PRRX2: variants seen among roughly 807,000 people sequenced by gnomAD.
PRRX2 encodes paired mesoderm homeobox protein 2.
In PRRX2, 11 loss-of-function variants were observed where a neutral mutation model predicts 18.0. The observed-to-expected ratio is 0.61, with a 90% CI of 0.39 to 1.01. The LOEUF (loss-of-function observed/expected upper bound fraction) is 1.01. Ranked by LOEUF, PRRX2 falls within the 50% of genes least tolerant of loss-of-function variation. The pLI is 0.01. For missense variants in PRRX2, 387 were observed against 351.0 expected (o/e 1.10, Z -0.82); for synonymous variants, 177 against 154.8 (o/e 1.14, Z -1.06).
intron 1 of PRRX2, among the ~76,000 whole-genome samples, chr9:129,669,886 T>C (rs1376034607): frequency 6.6e-6 from 1 of 151,822 alleles, no homozygotes; most frequent in Non-Finnish European, 1.5e-5. Context: ...ACAAGAATGC[T>C]GTCCGGTGGC....
intron 1 of PRRX2, among the ~76,000 whole-genome samples, chr9:129,706,982 G>T (rs1401578426): frequency 6.6e-6 from 1 of 152,134 alleles, no homozygotes; most frequent in East Asian, 1.9e-4. Flanking sequence ...AGGGCCTGGT[G>T]CAGTGGCTCA....
At chr9:129,710,757 G>A (rs1366731913) in intron 1 of PRRX2, among the ~76,000 whole-genome samples, 1 of 152,050 alleles carries the variant, frequency 6.6e-6, no homozygotes. Flanking sequence ...ACGAAAGTCA[G>A]CTCTTGGGCC....
intron 1 of PRRX2, among the ~76,000 whole-genome samples, chr9:129,697,329 C>T (rs553230348): frequency 6.6e-6 from 1 of 152,076 alleles, no homozygotes; most frequent in Non-Finnish European, 1.5e-5. Context: ...CGCTCCCCCT[C>T]CCCTAGGCCG....
In PRRX2 at chr9:129,715,841, G is replaced by C. The variant is rs535192845; in HGVS notation, c.260-3390G>C. ...ATTTAACCTTACATCAAATCAGTTG[G>C]TTGCTCAAGAGTCAGTAAACCCTCC... On this transcript the variant is annotated intron_variant, in intron 1 of 3. Coordinates refer to ENST00000372469, the MANE Select transcript of PRRX2 (RefSeq NM_016307.4). The surrounding 1 kb of genome is among the most constrained non-coding windows in gnomAD (Gnocchi z 4.0). 3.3e-5 allele frequency among the ~76,000 whole-genome samples: 5 copies of C among 151,266 alleles called. No homozygotes were observed. In the South Asian group the frequency reaches 1.0e-3, roughly 32 times the overall value.
intron 1 of PRRX2, among the ~76,000 whole-genome samples, chr9:129,717,941 C>T (rs765908423): frequency 1.4e-4 from 22 of 152,202 alleles, no homozygotes; most frequent in East Asian, 5.8e-4. Context: ...GGTTTGGTTC[C>T]ATGTGGACTC....
At chr9:129,684,530 ACACC>A (rs1564147499) in intron 1 of PRRX2, among the ~76,000 whole-genome samples, 52 of 131,294 alleles carry the variant, frequency 4.0e-4, no homozygotes, top group African/African-American at 1.5e-3. Context: ...ACACCCACAC[ACACC>A]CCAACAGAAA....
At chr9:129,688,709 A>G (rs906886112) in intron 1 of PRRX2, among the ~76,000 whole-genome samples, 1 of 152,208 alleles carries the variant, frequency 6.6e-6, no homozygotes. Flanking sequence ...GAGCTAGGAC[A>G]GGAGACCAAG....
intron 1 of PRRX2, among the ~76,000 whole-genome samples, chr9:129,668,452 CTGTGGCTCTTGGAGT>C (rs1391482791): frequency 3.9e-5 from 6 of 152,110 alleles, no homozygotes; most frequent in Non-Finnish European, 1.5e-5. Flanking sequence ...GTGGGTTTTC[CTGTGGCTCTTGGAGT>C]TGTTTTCAGG....
intron 1 of PRRX2, among the ~76,000 whole-genome samples, chr9:129,698,622 G>A (rs1832459126): frequency 1.3e-5 from 2 of 152,356 alleles, no homozygotes; most frequent in Middle Eastern, 3.4e-3. Flanking sequence ...TGTGGGCAGA[G>A]GTTGAGACAA....
Position 129,701,459 on chromosome 9 carries a change from A to T in PRRX2, c.260-17772A>T, listed in dbSNP as rs1345993319. ...CACAGAGCTCACAGAGCTGGCATGG[A>T]AAGCCAGAACCAGAATGCAGCTATT... On this transcript the variant is annotated intron_variant, in intron 1 of 3. Coordinates refer to ENST00000372469, the MANE Select transcript of PRRX2 (RefSeq NM_016307.4). 3.3e-5 allele frequency among the ~76,000 whole-genome samples: 5 copies of T among 152,204 alleles called. No individual in the cohort carries two copies. The South Asian group carries it at 1.0e-3, about 32-fold the overall frequency.
At position 129,695,094 on chromosome 9, in the gene PRRX2, G is replaced by A. The variant is rs886421051; in HGVS notation, c.260-24137G>A. Among the ~76,000 whole-genome samples the A allele has an allele frequency of 6.6e-6, 1 of 152,182 alleles. No homozygotes were observed. Among genetic ancestry groups the A allele is most frequent in the Admixed American group, 6.5e-5 (1 of 15,284 alleles). On this transcript the variant is annotated intron_variant, in intron 1 of 3. Transcript: ENST00000372469. This position sits in a 1 kb window ranked among gnomAD's most constrained non-coding sequence, Gnocchi z 4.8. The stretch of plus-strand genomic sequence containing the variant: ...TTTTGGGGTCACCTAGCAGTCCAGG[G>A]AGAACCCCAACACCCCACAGGCAAG...
intron 1 of PRRX2, among the ~76,000 whole-genome samples, chr9:129,674,960 G>A (rs553993596): frequency 4.6e-5 from 7 of 152,268 alleles, no homozygotes; most frequent in South Asian, 2.1e-4. Context: ...AGGCCTATGC[G>A]TCTGCATTCA....
chr9:129,666,952 G>T (rs1005860854), intron 1 of PRRX2, among the ~76,000 whole-genome samples: 10 of 152,158 alleles, frequency 6.6e-5, no homozygotes, highest in Admixed American at 2.6e-4. Flanking sequence ...AAGTGTGCCC[G>T]CCTGACTCCA....
chr9:129,699,105 A>G (rs1832464396), intron 1 of PRRX2, among the ~76,000 whole-genome samples: 1 of 152,236 alleles, frequency 6.6e-6, no homozygotes, highest in East Asian at 1.9e-4. Flanking sequence ...TCCCTAGCCC[A>G]TGCTCTGGCC....
intron 1 of PRRX2, among the ~76,000 whole-genome samples, chr9:129,683,659 C>G (rs1023704097): frequency 2.0e-5 from 3 of 152,022 alleles, no homozygotes; most frequent in African/African-American, 4.8e-5. Context: ...GGCGGGAACC[C>G]GGGAGGCGGA....
intron 1 of PRRX2, among the ~76,000 whole-genome samples, chr9:129,684,333 T>C (rs1832269297): frequency 6.6e-6 from 1 of 151,886 alleles, no homozygotes; most frequent in Admixed American, 6.6e-5. Flanking sequence ...GGATCCAGGC[T>C]TAAGCAATGA....
chr9:129,719,164 G>A, intron 1 of PRRX2, 67 bp from the exon 2 acceptor site: 1 of 1,403,390 alleles, frequency 7.1e-7, no homozygotes, highest in Admixed American at 2.7e-5. Flanking sequence ...CTGCAGAGTT[G>A]GGGGCTGAAC....
At position 129,681,994 on chromosome 9, in the gene PRRX2, C is replaced by T. The variant is rs534282716; in HGVS notation, c.259+15868C>T. Among the ~76,000 whole-genome samples, 6 of 152,312 alleles carry T rather than the reference C, an allele frequency of 3.9e-5. No individual in the cohort carries two copies. In the East Asian group the frequency reaches 1.2e-3, roughly 30 times the overall value. ...CCTGTGGCGCCGAGAATTTTCCTCC[C>T]TCCACCTTCCCACGGTACAGGCTGG... On this transcript the variant is annotated intron_variant, in intron 1 of 3. Coordinates refer to ENST00000372469, the MANE Select transcript of PRRX2 (RefSeq NM_016307.4).
intron 2 of PRRX2, among the ~76,000 whole-genome samples, 177 bp downstream of exon 2, chr9:129,719,595 G>A (rs1368053037): frequency 1.3e-5 from 2 of 152,276 alleles, no homozygotes; most frequent in East Asian, 3.8e-4. Context: ...CCTTGAGCAA[G>A]TGACTTAAGC....
Sources: gnomAD v4.1 joint callset for allele counts (sites outside exome capture counted in the v4.1 genomes callset) on GRCh38, gnomAD v4.1.1 for gene constraint, Gnocchi (gnomAD v3.1) non-coding constraint, MANE v1.5 for transcripts, NCBI Gene and HGNC (gene_info 2026-07-23, HGNC 2026-07-21) for gene names.